The following FHIT variants were observed in gnomAD, a reference collection of about 807,000 sequenced individuals.
FHIT encodes the protein fragile histidine triad diadenosine triphosphatase.
In FHIT, 19 loss-of-function variants were observed where a neutral mutation model predicts 17.9. The ratio of observed to expected loss-of-function variants is 1.06; its 90% CI spans 0.74 to 1.56. The LOEUF is 1.56. FHIT is among the 40% of genes most tolerant of loss of function. The pLI is 0.00. For missense variants in FHIT, 248 were observed against 189.2 expected (o/e 1.31, Z -1.82); for synonymous variants, 81 against 69.7 (o/e 1.16, Z -0.81).
chr3:60,891,235 A>T (rs1365853403), intron 3 of FHIT, among the ~76,000 whole-genome samples: 1 of 152,094 alleles, frequency 6.6e-6, no homozygotes, highest in Admixed American at 6.5e-5. Context: ...CCGTGCACCC[A>T]TCTTCTTTTA....
intron 4 of FHIT, among the ~76,000 whole-genome samples, chr3:60,566,040 C>T (rs543083896): frequency 2.0e-5 from 3 of 152,014 alleles, no homozygotes; most frequent in South Asian, 2.1e-4. Flanking sequence ...TTCAGGAGCA[C>T]GTTGTTCAGT....
chr3:60,757,850 C>T (rs1699501624), intron 4 of FHIT, among the ~76,000 whole-genome samples: 1 of 152,202 alleles, frequency 6.6e-6, no homozygotes, highest in African/African-American at 2.4e-5. Flanking sequence ...ACACGACACT[C>T]GCATAGAAGT....
At chr3:60,748,915 G>GA (rs1236947390) in intron 4 of FHIT, among the ~76,000 whole-genome samples, 2 of 152,024 alleles carry the variant, frequency 1.3e-5, no homozygotes, top group African/African-American at 2.4e-5. Context: ...AATGACAAGA[G>GA]AAAAAAGTCT....
At chr3:60,269,210 A>C (rs2107623617) in intron 5 of FHIT, among the ~76,000 whole-genome samples, 1 of 152,356 alleles carries the variant, frequency 6.6e-6, no homozygotes, top group South Asian at 2.1e-4. Flanking sequence ...AGTAAAAAAT[A>C]AGAACTAAGA....
intron 3 of FHIT, chr3:60,912,699 A>G (rs1339616080): frequency 2.0e-5 from 10 of 503,970 alleles, no homozygotes; most frequent in Middle Eastern, 6.5e-4. Flanking sequence ...AGAGGAATCT[A>G]TGTAACAAGC....
chr3:60,536,842 A>G lies in FHIT; in HGVS notation c.103+18T>C. 2 of 1,574,678 alleles carry G rather than the reference A, an allele frequency of 1.3e-6. No individual in the cohort carries two copies. The highest frequency in any genetic ancestry group is 1.2e-5 in the South Asian group (1 of 83,506). ...AAGACTTTTATTTTCCCTCTCCAAA[A>G]AAAAAAAGAAAGGATACGTCCTGGT... is the stretch of plus-strand genomic sequence containing the variant. On this transcript the variant is annotated intron_variant, in intron 5 of 9. Coordinates refer to ENST00000492590, the MANE Select transcript of FHIT (RefSeq NM_002012.4).
chr3:61,065,916 T>C (rs13061562), intron 2 of FHIT, among the ~76,000 whole-genome samples: 67,818 of 152,066 alleles, frequency 0.45, 19,493 homozygotes, highest in Non-Finnish European at 0.64. Flanking sequence ...AGGGTGACTG[T>C]CTTAGTCTGC....
intron 5 of FHIT, among the ~76,000 whole-genome samples, chr3:60,046,715 G>C (rs1701667752): frequency 6.6e-6 from 1 of 152,234 alleles, no homozygotes; most frequent in African/African-American, 2.4e-5. Context: ...TTTACAGATA[G>C]TAGAAAAATT....
intron 5 of FHIT, among the ~76,000 whole-genome samples, chr3:60,368,267 T>C (rs1481032169): frequency 6.6e-6 from 1 of 151,868 alleles, no homozygotes; most frequent in Non-Finnish European, 1.5e-5. Flanking sequence ...TCCCACTAGC[T>C]ATGTTTATGC....
At chr3:60,508,876 T>C (rs545453584) in intron 5 of FHIT, among the ~76,000 whole-genome samples, 7 of 152,092 alleles carry the variant, frequency 4.6e-5, no homozygotes, top group Admixed American at 4.6e-4. Context: ...CAAATTCCTA[T>C]ATATTTGGTT....
At chr3:61,184,451 G>A (rs2038442845) in intron 2 of FHIT, among the ~76,000 whole-genome samples, 1 of 152,066 alleles carries the variant, frequency 6.6e-6, no homozygotes, top group Admixed American at 6.6e-5. Flanking sequence ...CTCCAGTGTG[G>A]GATGACTCAC....
chr3:60,982,831 G>A (rs1710554086), intron 3 of FHIT, among the ~76,000 whole-genome samples: 1 of 152,116 alleles, frequency 6.6e-6, no homozygotes, highest in Non-Finnish European at 1.5e-5. Context: ...TTGACTCAGG[G>A]ATCCTTCAAG....
At chr3:60,347,166 G>T (rs1321911447) in intron 5 of FHIT, among the ~76,000 whole-genome samples, 1 of 151,960 alleles carries the variant, frequency 6.6e-6, no homozygotes, top group East Asian at 1.9e-4. Flanking sequence ...ATGCCTATCA[G>T]CAGAAAAGTA....
chr3:60,688,778 T>C (rs2107879755), intron 4 of FHIT, among the ~76,000 whole-genome samples: 1 of 152,292 alleles, frequency 6.6e-6, no homozygotes, highest in South Asian at 2.1e-4. Context: ...CTTTATACTA[T>C]TTATTTTTAT....
chr3:59,845,724 T>C (rs1468543229), intron 8 of FHIT, among the ~76,000 whole-genome samples: 1 of 152,184 alleles, frequency 6.6e-6, no homozygotes, highest in African/African-American at 2.4e-5. Context: ...ATGTCTCACG[T>C]GTACTTGAGA....
At chr3:60,102,924 C>T (rs1390982787) in intron 5 of FHIT, among the ~76,000 whole-genome samples, 1 of 152,192 alleles carries the variant, frequency 6.6e-6, no homozygotes, top group Non-Finnish European at 1.5e-5. Flanking sequence ...ACATGCCATG[C>T]ATTTGCGAAG....
At chr3:60,972,190 A>C (rs73836071) in intron 3 of FHIT, among the ~76,000 whole-genome samples, 3,696 of 152,254 alleles carry the variant, frequency 0.024, 142 homozygotes, top group African/African-American at 0.083. Flanking sequence ...GGTGTTCTTC[A>C]TGCCCTCCTT....
At chr3:60,688,516 T>C (rs6789900) in intron 4 of FHIT, among the ~76,000 whole-genome samples, 15,585 of 151,688 alleles carry the variant, frequency 0.1, 1,653 homozygotes, top group African/African-American at 0.27. Context: ...ACTGCACCCT[T>C]CACCTCCTGG....
intron 5 of FHIT, among the ~76,000 whole-genome samples, chr3:60,040,116 C>T (rs1472101741): frequency 1.3e-5 from 2 of 151,820 alleles, no homozygotes; most frequent in Non-Finnish European, 2.9e-5. Flanking sequence ...ATTGATGTCA[C>T]CTAATGAATA....
Sources: gnomAD v4.1 joint callset for allele counts (sites outside exome capture counted in the v4.1 genomes callset) on GRCh38, gnomAD v4.1.1 for gene constraint, MANE v1.5 for transcripts, NCBI Gene and HGNC (gene_info 2026-07-23, HGNC 2026-07-21) for gene names.